The following FAM210A variants were observed in gnomAD, a reference collection of about 807,000 sequenced individuals.
FAM210A encodes the protein mitochondrial inner membrane scaffold 1, also known as family with sequence similarity 210 member A.
A neutral mutation model predicts 25.3 loss-of-function variants in FAM210A; 13 were observed. The observed-to-expected ratio is 0.51, with a 90% CI of 0.33 to 0.82. The LOEUF (loss-of-function observed/expected upper bound fraction) is 0.82, where lower values mean the gene tolerates loss of function less well. Ranked by LOEUF, FAM210A falls within the 40% of genes least tolerant of loss-of-function variation. FAM210A has a pLI of 0.02. For missense variants in FAM210A, 319 were observed against 323.2 expected (o/e 0.99, Z 0.10); for synonymous variants, 125 against 118.7 (o/e 1.05, Z -0.35).
intron 3 of FAM210A, among the ~76,000 whole-genome samples, chr18:13,667,717 TCAAAA>T (rs996798394): frequency 1.3e-5 from 2 of 149,192 alleles, no homozygotes; most frequent in African/African-American, 2.5e-5. Flanking sequence ...AAGCTACCTC[TCAAAA>T]CAAAACAAAA....
At chr18:13,673,641 C>T (rs1360894426) in intron 2 of FAM210A, among the ~76,000 whole-genome samples, 2 of 147,848 alleles carry the variant, frequency 1.4e-5, no homozygotes, top group Non-Finnish European at 3.0e-5. Context: ...ATTCCTGAGA[C>T]CCGACTTCTT....
intron 1 of FAM210A, among the ~76,000 whole-genome samples, chr18:13,692,360 G>T (rs1434145728): frequency 6.6e-6 from 1 of 152,068 alleles, no homozygotes; most frequent in South Asian, 2.1e-4. Context: ...AAGTTAACAA[G>T]GATATCCAGG....
intron 2 of FAM210A, 63 bp downstream of exon 2, chr18:13,681,542 A>G: frequency 3.1e-6 from 4 of 1,286,516 alleles, no homozygotes; most frequent in Non-Finnish European, 4.3e-6. Flanking sequence ...TATCATTAGT[A>G]CAATTAAAAA....
chr18:13,701,890 G>A (rs945536295), intron 1 of FAM210A, among the ~76,000 whole-genome samples: 1 of 152,210 alleles, frequency 6.6e-6, no homozygotes, highest in Non-Finnish European at 1.5e-5. Context: ...CTGGGTTAGA[G>A]GCCCTCCTGT....
At chr18:13,704,845 T>C (rs971934422) in intron 1 of FAM210A, among the ~76,000 whole-genome samples, 1 of 152,214 alleles carries the variant, frequency 6.6e-6, no homozygotes, top group Non-Finnish European at 1.5e-5. Context: ...AATAACCACA[T>C]TTCCTTGTCA....
At chr18:13,722,155 A>G (rs1397810735) in intron 1 of FAM210A, among the ~76,000 whole-genome samples, 2 of 151,912 alleles carry the variant, frequency 1.3e-5, no homozygotes, top group Non-Finnish European at 1.5e-5. Context: ...AGACTGCCCA[A>G]CGAGTTCTCT....
chr18:13,689,260 GT>G (rs1021417956), intron 1 of FAM210A, among the ~76,000 whole-genome samples: 1 of 152,154 alleles, frequency 6.6e-6, no homozygotes, highest in Non-Finnish European at 1.5e-5. Flanking sequence ...TGTAACTTGT[GT>G]TTTTTCTGGG....
chr18:13,693,757 A>T (rs1225372659), intron 1 of FAM210A, among the ~76,000 whole-genome samples: 2 of 108,680 alleles, frequency 1.8e-5, no homozygotes, highest in Non-Finnish European at 3.8e-5. Context: ...AAATAATAAG[A>T]GCTATTTATG....
intron 1 of FAM210A, among the ~76,000 whole-genome samples, chr18:13,724,506 A>G (rs1406690295): frequency 6.6e-6 from 1 of 152,236 alleles, no homozygotes; most frequent in Non-Finnish European, 1.5e-5. Flanking sequence ...AGTATTAGCT[A>G]TTATTATTTT....
At chr18:13,721,327 C>T (rs887275117) in intron 1 of FAM210A, among the ~76,000 whole-genome samples, 1 of 152,140 alleles carries the variant, frequency 6.6e-6, no homozygotes, top group Non-Finnish European at 1.5e-5. Flanking sequence ...GGGATAGGTT[C>T]TCAAGTAATG....
rs28414098 is a variant in FAM210A, at chr18:13,673,826, A to T, written c.474-1853T>A. On this transcript the variant is annotated intron_variant, in intron 2 of 3. Transcript: ENST00000651643. ...AACATTCCTGAGCCCTGGCTTCTTT[A>T]TTTCCGGTTTCCTGATTATTAACAT... 5.6e-5 allele frequency among the ~76,000 whole-genome samples: 8 copies of T among 143,532 alleles called. No homozygotes were observed. In the East Asian group the frequency reaches 1.6e-3, roughly 29 times the overall value. The allele number at this position is 143,532 out of a possible 152,430, so 94.2% of individuals were successfully genotyped here.
At chr18:13,694,059 C>T (rs746359142) in intron 1 of FAM210A, among the ~76,000 whole-genome samples, 1 of 152,212 alleles carries the variant, frequency 6.6e-6, no homozygotes, top group Non-Finnish European at 1.5e-5. Context: ...GCAAAAATCA[C>T]AAGCATTCCT....
At chr18:13,709,341 C>T (rs1440882138) in intron 1 of FAM210A, among the ~76,000 whole-genome samples, 1 of 152,220 alleles carries the variant, frequency 6.6e-6, no homozygotes, top group African/African-American at 2.4e-5. Context: ...GCTCACTCTG[C>T]TCCAGCCACA....
At chr18:13,674,979 C>G (rs867879209) in intron 2 of FAM210A, among the ~76,000 whole-genome samples, 1 of 140,106 alleles carries the variant, frequency 7.1e-6, no homozygotes. Flanking sequence ...TTCCTGAGCC[C>G]TGGCTTCTTT....
intron 1 of FAM210A, among the ~76,000 whole-genome samples, chr18:13,721,930 G>GA (rs961788030): frequency 1.5e-4 from 23 of 152,086 alleles, no homozygotes; most frequent in Admixed American, 3.3e-4. Context: ...GGAAACCTGA[G>GA]AAAAAAATTA....
At chr18:13,700,673 T>C (rs927045971) in intron 1 of FAM210A, among the ~76,000 whole-genome samples, 1 of 152,200 alleles carries the variant, frequency 6.6e-6, no homozygotes. Context: ...GAAGGCAGAT[T>C]TGAAGTTCTT....
chr18:13,677,167 C>T (rs758419642), intron 2 of FAM210A, among the ~76,000 whole-genome samples: 1 of 151,868 alleles, frequency 6.6e-6, no homozygotes, highest in Non-Finnish European at 1.5e-5. Context: ...TTCCACCTCC[C>T]GAGTTCACGC....
At chr18:13,692,512 C>A (rs992044423) in intron 1 of FAM210A, among the ~76,000 whole-genome samples, 1 of 152,168 alleles carries the variant, frequency 6.6e-6, no homozygotes, top group African/African-American at 2.4e-5. Flanking sequence ...AAGTAAAGCA[C>A]TCCTCAGCAA....
intron 2 of FAM210A, among the ~76,000 whole-genome samples, chr18:13,679,666 C>T (rs1194993281): frequency 1.3e-5 from 2 of 152,102 alleles, no homozygotes; most frequent in African/African-American, 2.4e-5. Context: ...CAACCCGATT[C>T]CTATGCTAAC....
Sources: allele counts gnomAD v4.1 joint callset (sites outside exome capture counted in the v4.1 genomes callset), GRCh38; gene constraint gnomAD v4.1.1; transcripts MANE v1.5; gene names NCBI Gene and HGNC (gene_info 2026-07-23, HGNC 2026-07-21).